Variants in IFT74 observed in about 807,000 individuals in gnomAD.
IFT74 encodes intraflagellar transport 74, also known as intraflagellar transport protein 74 homolog.
A neutral mutation model predicts 96.7 loss-of-function variants in IFT74; 92 were observed. That is an observed-to-expected ratio of 0.95 (90% CI 0.80 to 1.13). The LOEUF is 1.13. Among genes scored for constraint, IFT74 ranks in the 50% most tolerant of loss-of-function variants. The pLI is 0.00. For synonymous variants in IFT74, 223 were observed against 213.2 expected, an observed-to-expected ratio of 1.05 and a Z score of -0.40; for missense variants, 811 against 698.2, an observed-to-expected ratio of 1.16 and a Z score of -1.82.
intron 8 of IFT74, among the ~76,000 whole-genome samples, chr9:27,000,405 C>T (rs1308625491): frequency 1.3e-5 from 2 of 152,096 alleles, no homozygotes; most frequent in Non-Finnish European, 2.9e-5. Context: ...CAATTTTAGG[C>T]ATTATCTATT....
intron 8 of IFT74, chr9:26,998,235 G>A: frequency 3.5e-6 from 5 of 1,432,172 alleles, no homozygotes; most frequent in East Asian, 2.4e-5. Flanking sequence ...AAATTACATT[G>A]GACTTCCTAG....
chr9:27,023,560 A>ATT (rs199832692), intron 12 of IFT74, among the ~76,000 whole-genome samples: 1 of 151,226 alleles, frequency 6.6e-6, no homozygotes, highest in Non-Finnish European at 1.5e-5. Flanking sequence ...TGGTTGGCTA[A>ATT]TTTTTTTTTG....
chr9:27,031,643 G>T (rs1202218517), intron 13 of IFT74, among the ~76,000 whole-genome samples: 1 of 144,516 alleles, frequency 6.9e-6, no homozygotes, highest in Non-Finnish European at 1.5e-5. Flanking sequence ...TGTCACCCAG[G>T]CTGGAGTACA....
chr9:27,047,853 A>T (rs1215861536), intron 15 of IFT74, among the ~76,000 whole-genome samples: 2 of 152,184 alleles, frequency 1.3e-5, no homozygotes, highest in Non-Finnish European at 2.9e-5. Context: ...CCCCCCTTTC[A>T]ATATTCTAGT....
chr9:27,056,230 T>C, intron 17 of IFT74, 104 bp from the exon 18 acceptor site: 1 of 879,092 alleles, frequency 1.1e-6, no homozygotes, highest in Non-Finnish European at 1.8e-6. Context: ...ATAGCCTTGA[T>C]ATAATTTTAC....
intron 10 of IFT74, among the ~76,000 whole-genome samples, chr9:27,016,031 T>C (rs767308142): frequency 6.6e-6 from 1 of 152,192 alleles, no homozygotes; most frequent in African/African-American, 2.4e-5. Context: ...ACAGTAACTG[T>C]TATTTCATGT....
In IFT74 at chr9:27,060,212, T is replaced by C. The variant is rs575217578; in HGVS notation, c.1624-379T>C. ...ATATGGCTGAACCTTTGACAGTGTT[T>C]GAATATGTATTATATTTGTGGCATT... is the stretch of plus-strand genomic sequence containing the variant. On this transcript the variant is annotated intron_variant, in intron 18 of 19. Coordinates refer to ENST00000380062, the MANE Select transcript of IFT74 (RefSeq NM_025103.4). Among the ~76,000 whole-genome samples the C allele has an allele frequency of 5.3e-4, 81 of 152,344 alleles. 1 individual carries two copies. The highest frequency in any genetic ancestry group is 1.8e-3 in the African/African-American group (76 of 41,596).
In IFT74 at chr9:26,988,653, G is replaced by A; in HGVS notation, c.466-16G>A. On this transcript the variant is annotated splice_polypyrimidine_tract_variant and intron_variant, in intron 6 of 19. Coordinates refer to ENST00000380062, the MANE Select transcript of IFT74 (RefSeq NM_025103.4). ...CTAACAAAATGGTGTTTGTTTGTTT[G>A]TATTTTTGTTTTTAGTTGGTAGATA... The A allele has an allele frequency of 6.5e-7, 1 of 1,537,358 alleles. No individual in the cohort carries two copies. Among genetic ancestry groups the A allele is most frequent in the Non-Finnish European group, 8.9e-7 (1 of 1,126,952 alleles).
chr9:27,046,957 G>A (rs971734817), intron 14 of IFT74, among the ~76,000 whole-genome samples: 6 of 152,122 alleles, frequency 3.9e-5, no homozygotes, highest in African/African-American at 1.2e-4. Flanking sequence ...GGTGGATCAC[G>A]TGGTTAAGAG....
chr9:27,019,131 A>G (rs1274207665), intron 12 of IFT74, among the ~76,000 whole-genome samples: 1 of 151,886 alleles, frequency 6.6e-6, no homozygotes. Flanking sequence ...ATTTATTTTT[A>G]TTTTTAGTAG....
chr9:26,999,832 C>T (rs1191576954), intron 8 of IFT74: 17 of 550,000 alleles, frequency 3.1e-5, no homozygotes, highest in Non-Finnish European at 5.0e-5. Context: ...GACCTGGTGG[C>T]ATGGTCACAG....
In IFT74 at chr9:27,062,795, G is replaced by C. The variant is rs553671179; in HGVS notation, c.*59G>C. The C allele has an allele frequency of 4.0e-5, 33 of 835,172 alleles. No individual in the cohort carries two copies. The highest frequency in any genetic ancestry group is 6.0e-5 in the Non-Finnish European group (32 of 531,950). The allele number at this position is 835,172 out of a possible 1,614,324, so 51.7% of individuals were successfully genotyped here. A position where few individuals can be genotyped will look rare whatever the true frequency, so the allele number is the denominator to read the frequency against. ...CCTCTTGCTGCTAAACTTGGTACAA[G>C]TTGACTACCAAAAAAAAAAAAAGCT... On this transcript the variant is annotated 3_prime_UTR_variant, in exon 20 of 20. Coordinates refer to ENST00000380062, the MANE Select transcript of IFT74 (RefSeq NM_025103.4).
At chr9:26,953,694 AG>A (rs562636268), upstream of IFT74, among the ~76,000 whole-genome samples, 129 of 149,154 alleles carry the variant, frequency 8.6e-4, 1 homozygote, top group South Asian at 0.011. Flanking sequence ...CATTTTTTGT[AG>A]GGGGGGGGTC....
intron 1 of IFT74, among the ~76,000 whole-genome samples, chr9:26,961,381 C>T (rs1025561559): frequency 3.3e-5 from 5 of 152,020 alleles, no homozygotes; most frequent in Admixed American, 1.3e-4. Flanking sequence ...TTTGCCACTG[C>T]GCCTGGCCTC....
At chr9:27,021,506 T>A (rs538142195) in intron 12 of IFT74, among the ~76,000 whole-genome samples, 2 of 152,306 alleles carry the variant, frequency 1.3e-5, no homozygotes, top group Non-Finnish European at 2.9e-5. Flanking sequence ...TTTTTAAAAA[T>A]TTTTTAATTA....
chr9:27,018,457 A>G (rs1436049749), intron 11 of IFT74, among the ~76,000 whole-genome samples, 190 bp from the exon 12 acceptor site: 4 of 152,172 alleles, frequency 2.6e-5, no homozygotes, highest in Non-Finnish European at 5.9e-5. Context: ...AGGAAAAAGG[A>G]TGGAATCTGT....
intron 10 of IFT74, among the ~76,000 whole-genome samples, chr9:27,012,706 CTG>C (rs1829143495): frequency 1.2e-5 from 1 of 85,308 alleles, no homozygotes; most frequent in Non-Finnish European, 2.2e-5. Flanking sequence ...GTAAAAATGT[CTG>C]TTTTTTTTTT....
chr9:26,970,384 G>A (rs1826831989), intron 2 of IFT74, among the ~76,000 whole-genome samples: 1 of 151,886 alleles, frequency 6.6e-6, no homozygotes, highest in African/African-American at 2.4e-5. Context: ...GTATGACTTT[G>A]GACTGTTCCA....
chr9:27,062,217 G>A (rs1375414019), intron 19 of IFT74, among the ~76,000 whole-genome samples: 1 of 152,198 alleles, frequency 6.6e-6, no homozygotes, highest in Admixed American at 6.5e-5. Context: ...GCAACATAAA[G>A]TAGGTGATTT....
Sources: allele counts gnomAD v4.1 joint callset (sites outside exome capture counted in the v4.1 genomes callset), GRCh38; gene constraint gnomAD v4.1.1; transcripts MANE v1.5; gene names NCBI Gene and HGNC (gene_info 2026-07-23, HGNC 2026-07-21).